Variants in CUX1 observed in about 807,000 individuals in gnomAD.
The protein encoded by CUX1 is cut like homeobox 1, also known as protein CASP.
A neutral mutation model predicts 158.8 loss-of-function variants in CUX1; 31 were observed. That is an observed-to-expected ratio of 0.20 (90% CI 0.15 to 0.26). CUX1 has a LOEUF of 0.26. CUX1 is among the 10% of genes least tolerant of loss of function. The pLI, the probability that CUX1 is intolerant of heterozygous loss-of-function variation, is 1.00. For synonymous variants in CUX1, 879 were observed against 862.1 expected (o/e 1.02, Z -0.34); for missense variants, 1,589 against 2,014.6 (o/e 0.79, Z 4.04).
At chr7:102,170,973 G>C (rs1554510269) in intron 10 of CUX1, among the ~76,000 whole-genome samples, 1 of 151,904 alleles carries the variant, frequency 6.6e-6, no homozygotes, top group African/African-American at 2.4e-5. Flanking sequence ...GAGCTGGGAG[G>C]GTAGGGGTGG....
chr7:102,202,311 G>A, intron 18 of CUX1, 107 bp downstream of exon 18: 3 of 1,444,018 alleles, frequency 2.1e-6, no homozygotes, highest in Non-Finnish European at 2.8e-6. Context: ...ATTCACCCAA[G>A]AGCAGAGCGT....
At chr7:101,985,235 C>T (rs1272992100) in intron 2 of CUX1, among the ~76,000 whole-genome samples, 1 of 152,124 alleles carries the variant, frequency 6.6e-6, no homozygotes, top group Non-Finnish European at 1.5e-5. Context: ...CTTTCAGATA[C>T]TTTCACCTTT....
At chr7:101,925,303 G>A (rs1177665000) in intron 2 of CUX1, among the ~76,000 whole-genome samples, 5 of 152,168 alleles carry the variant, frequency 3.3e-5, no homozygotes, top group Admixed American at 1.3e-4. Flanking sequence ...TAGAGATGGG[G>A]TTTCACCATG....
chr7:102,001,531 AC>A (rs1353291860), intron 2 of CUX1, among the ~76,000 whole-genome samples: 1 of 152,004 alleles, frequency 6.6e-6, no homozygotes, highest in African/African-American at 2.4e-5. Context: ...TTTAGTAGAG[AC>A]AGGGTTTCAC....
chr7:101,871,463 G>T (rs1392595996), intron 1 of CUX1, among the ~76,000 whole-genome samples: 3 of 152,102 alleles, frequency 2.0e-5, no homozygotes, highest in Admixed American at 6.6e-5. Flanking sequence ...GAGCCACTTG[G>T]TGGAGGTGCC....
chr7:102,162,041 A>G (rs1328172686), intron 9 of CUX1, among the ~76,000 whole-genome samples: 1 of 152,002 alleles, frequency 6.6e-6, no homozygotes, highest in Non-Finnish European at 1.5e-5. Context: ...AGACGTTCCT[A>G]ATCTTGGGGT....
At chr7:102,280,458 C>T (rs1554548947) in intron 19 of CUX1, among the ~76,000 whole-genome samples, 1 of 152,208 alleles carries the variant, frequency 6.6e-6, no homozygotes, top group East Asian at 1.9e-4. Context: ...AAGGAAAAAC[C>T]AGTTACAGCT....
At chr7:102,209,369 A>G (rs1395370489) in intron 20 of CUX1, among the ~76,000 whole-genome samples, 1 of 152,164 alleles carries the variant, frequency 6.6e-6, no homozygotes, top group African/African-American at 2.4e-5. Flanking sequence ...ATTTGATGCC[A>G]TTTTTAAGCA....
At chr7:102,244,317 A>G (rs1484251976) in intron 23 of CUX1, among the ~76,000 whole-genome samples, 3 of 68,064 alleles carry the variant, frequency 4.4e-5, no homozygotes, top group South Asian at 1.4e-3. Flanking sequence ...CTTGGTGTCA[A>G]TTTTTGCCCC....
chr7:102,099,779 G>A (rs1294077565), intron 5 of CUX1, among the ~76,000 whole-genome samples: 2 of 151,994 alleles, frequency 1.3e-5, no homozygotes, highest in African/African-American at 4.8e-5. Context: ...TTGTTGGAGG[G>A]TGGTGCAGGT....
chr7:101,980,888 T>C (rs1813355328), intron 2 of CUX1, among the ~76,000 whole-genome samples: 1 of 152,200 alleles, frequency 6.6e-6, no homozygotes, highest in Non-Finnish European at 1.5e-5. Context: ...TCTCTCTGAA[T>C]CTGGCCTTTG....
rs575495636 is a variant in CUX1 at position 102,180,893 on chromosome 7, A to T, written c.1017+2236A>T. On this transcript the variant is annotated intron_variant, in intron 11 of 23. Transcript: ENST00000292535. Reference sequence around the variant, plus strand: ...TGTCCTCAGCCAGGTCGTTTTTTTTAAATTTTTATTTTATTTTATTTTATT... The same window carrying T: ...TGTCCTCAGCCAGGTCGTTTTTTTTTAATTTTTATTTTATTTTATTTTATT... 1.3e-3 allele frequency among the ~76,000 whole-genome samples: 196 copies of T among 147,088 alleles called. 1 individual carries two copies. Among genetic ancestry groups the T allele is most frequent in the African/African-American group, 4.4e-3 (176 of 39,918 alleles).
intron 14 of CUX1, among the ~76,000 whole-genome samples, chr7:102,272,132 C>T (rs1281013051): frequency 2.6e-5 from 4 of 152,220 alleles, no homozygotes; most frequent in Non-Finnish European, 4.4e-5. Context: ...GGTCCCAGGT[C>T]GGGAAGCCTC....
intron 8 of CUX1, among the ~76,000 whole-genome samples, chr7:102,137,203 A>G (rs558654983): frequency 1.1e-4 from 16 of 152,322 alleles, no homozygotes; most frequent in South Asian, 4.1e-4. Flanking sequence ...AAATGCTCCA[A>G]TGATTTCCCC....
chr7:102,111,595 G>A lies in CUX1; in HGVS notation c.531-103G>A, dbSNP rs565411649. ...GGCGATACCCCGTGGTGCGCCTGCC[G>A]CCAGCTGAGCGCAGGGAGGGAGCTG... On this transcript the variant is annotated intron_variant, in intron 6 of 23. Coordinates refer to ENST00000292535, the MANE Select transcript of CUX1 (RefSeq NM_181552.4). The A allele has an allele frequency of 1.5e-5, 16 of 1,088,402 alleles. No individual in the cohort carries two copies. The South Asian group carries it at 1.7e-4, about 12-fold the overall frequency. 67.4% of individuals were successfully genotyped at this position (1,088,402 alleles called of 1,614,324 possible).
intron 3 of CUX1, among the ~76,000 whole-genome samples, chr7:102,067,418 A>G (rs1010505073): frequency 6.6e-6 from 1 of 151,506 alleles, no homozygotes; most frequent in Admixed American, 6.6e-5. Context: ...TTATATTTTT[A>G]GTAGAGATGG....
intron 3 of CUX1, among the ~76,000 whole-genome samples, chr7:102,064,859 C>T (rs567764883): frequency 6.6e-6 from 1 of 152,282 alleles, no homozygotes; most frequent in South Asian, 2.1e-4. Flanking sequence ...CAGAACAGCC[C>T]AGGAACCCAG....
chr7:101,890,195 C>T (rs984086866), intron 1 of CUX1, among the ~76,000 whole-genome samples: 5 of 152,096 alleles, frequency 3.3e-5, no homozygotes, highest in Admixed American at 2.0e-4. Context: ...ATGGGGTTGA[C>T]GGGGAGCCCT....
At chr7:102,275,112 G>A in intron 16 of CUX1, 1 of 639,944 alleles carries the variant, frequency 1.6e-6, no homozygotes, top group Non-Finnish European at 2.7e-6. Context: ...CCAGCACCAG[G>A]GAGTCAGACA....
Sources: gnomAD v4.1 joint callset for allele counts (sites outside exome capture counted in the v4.1 genomes callset) on GRCh38, gnomAD v4.1.1 for gene constraint, MANE v1.5 for transcripts, NCBI Gene and HGNC (gene_info 2026-07-23, HGNC 2026-07-21) for gene names.